FRMD3: variants seen among roughly 807,000 people sequenced by gnomAD.
The protein encoded by FRMD3 is FERM domain containing 3.
Under a neutral mutation model 70.2 loss-of-function variants are expected in FRMD3, and 33 were observed. The observed-to-expected ratio is 0.47, with a 90% CI of 0.36 to 0.63. FRMD3 has a LOEUF of 0.63. Ranked by LOEUF, FRMD3 falls within the 20% of genes least tolerant of loss-of-function variation. The pLI, the probability that FRMD3 is intolerant of heterozygous loss-of-function variation, is 0.00. For synonymous variants in FRMD3, 279 were observed against 255.9 expected (o/e 1.09, Z -0.86); for missense variants, 632 against 711.4 (o/e 0.89, Z 1.27).
intron 6 of FRMD3, among the ~76,000 whole-genome samples, chr9:83,317,425 C>CGGG (rs1564012226): frequency 2.0e-5 from 3 of 152,092 alleles, no homozygotes; most frequent in Admixed American, 6.6e-5. Flanking sequence ...CAGCTTTGCT[C>CGGG]GGGGTGATCC....
intron 1 of FRMD3, among the ~76,000 whole-genome samples, chr9:83,526,086 A>G (rs1481318802): frequency 6.6e-6 from 1 of 152,122 alleles, no homozygotes; most frequent in Non-Finnish European, 1.5e-5. Flanking sequence ...AGGCACTTCA[A>G]AATCAACGTA....
At chr9:83,309,789 T>C (rs536222412) in intron 9 of FRMD3, among the ~76,000 whole-genome samples, 165 bp from the exon 10 acceptor site, 1 of 142,534 alleles carries the variant, frequency 7.0e-6, no homozygotes, top group East Asian at 2.3e-4. Context: ...ATTAACATGG[T>C]ATTCACCCCT....
At chr9:83,533,659 A>C (rs1049857372) in intron 1 of FRMD3, among the ~76,000 whole-genome samples, 1 of 152,182 alleles carries the variant, frequency 6.6e-6, no homozygotes, top group Non-Finnish European at 1.5e-5. Context: ...ATGTGCACAT[A>C]TTATACTATA....
At chr9:83,526,189 T>A (rs1829680764) in intron 1 of FRMD3, among the ~76,000 whole-genome samples, 1 of 152,196 alleles carries the variant, frequency 6.6e-6, no homozygotes, top group Admixed American at 6.5e-5. Context: ...ACTTGCACAT[T>A]TGCTTAGGGA....
intron 13 of FRMD3, among the ~76,000 whole-genome samples, chr9:83,271,017 T>C (rs1302616333): frequency 6.6e-6 from 1 of 152,212 alleles, no homozygotes; most frequent in African/African-American, 2.4e-5. Flanking sequence ...GCCATGCCTA[T>C]TACCTTGGGA....
intron 1 of FRMD3, among the ~76,000 whole-genome samples, chr9:83,525,115 G>C (rs959072749): frequency 6.6e-6 from 1 of 152,008 alleles, no homozygotes; most frequent in African/African-American, 2.4e-5. Context: ...CTCAGTTTAC[G>C]TGTAAAGACC....
chr9:83,500,023 C>T (rs1287452199), intron 1 of FRMD3, among the ~76,000 whole-genome samples: 1 of 152,022 alleles, frequency 6.6e-6, no homozygotes, highest in African/African-American at 2.4e-5. Context: ...TTGATTCTAG[C>T]AATATATTAT....
chr9:83,304,800 G>C (rs79788257), intron 10 of FRMD3, among the ~76,000 whole-genome samples: 2,842 of 152,294 alleles, frequency 0.019, 67 homozygotes, highest in African/African-American at 0.062. Context: ...GAGCTCTGGG[G>C]TTGGCAGCAC....
intron 1 of FRMD3, among the ~76,000 whole-genome samples, chr9:83,425,922 A>AC (rs1257409507): frequency 2.0e-5 from 3 of 150,650 alleles, no homozygotes; most frequent in African/African-American, 4.9e-5. Flanking sequence ...AAAAAAAAAA[A>AC]AAAAAACAAC....
chr9:83,247,908 G>C lies in FRMD3; in HGVS notation c.*10C>G, dbSNP rs1832187670. 6.2e-7 allele frequency: 1 copy of C among 1,612,188 alleles called. No homozygotes were observed. The highest frequency in any genetic ancestry group is 8.5e-7 in the Non-Finnish European group (1 of 1,178,546). ...TTGAATATAGCCCTTAGTCACGTGA[G>C]AGATTAACTTCATGAGCAACCCAGC... On this transcript the variant is annotated 3_prime_UTR_variant, in exon 14 of 14. Coordinates refer to ENST00000304195, the MANE Select transcript of FRMD3 (RefSeq NM_174938.6).
chr9:83,282,983 T>G (rs947235695), intron 13 of FRMD3, among the ~76,000 whole-genome samples: 7 of 151,788 alleles, frequency 4.6e-5, no homozygotes, highest in African/African-American at 1.7e-4. Flanking sequence ...CCCTTTCAAG[T>G]GATAAAAACT....
chr9:83,366,173 T>C (rs1426810170), intron 3 of FRMD3, among the ~76,000 whole-genome samples: 4 of 151,940 alleles, frequency 2.6e-5, no homozygotes, highest in Non-Finnish European at 5.9e-5. Flanking sequence ...GAAAAGCTCT[T>C]CATATGGAAG....
chr9:83,428,593 T>C (rs886917491), intron 1 of FRMD3, among the ~76,000 whole-genome samples: 2 of 152,008 alleles, frequency 1.3e-5, no homozygotes, highest in African/African-American at 4.8e-5. Flanking sequence ...GTTCATTTAG[T>C]AATTATAATA....
intron 1 of FRMD3, among the ~76,000 whole-genome samples, chr9:83,430,976 G>GC (rs1248152617): frequency 6.6e-6 from 1 of 152,178 alleles, no homozygotes; most frequent in Admixed American, 6.5e-5. Flanking sequence ...TGATGCTTTG[G>GC]CCCCTCATAT....
the FRMD3 span, among the ~76,000 whole-genome samples, chr9:83,570,894 G>A: frequency 3.3e-3 from 502 of 152,258 alleles, 2 homozygotes; most frequent in African/African-American, 9.2e-3. Flanking sequence ...GACTGGGTTC[G>A]GAGTATATTT....
At chr9:83,583,568 T>C in the FRMD3 span, among the ~76,000 whole-genome samples, 2 of 152,174 alleles carry the variant, frequency 1.3e-5, no homozygotes, top group Non-Finnish European at 2.9e-5. Flanking sequence ...TTAGATATAA[T>C]CTAAATTAGA....
At position 83,313,737 on chromosome 9, in the gene FRMD3, G is replaced by A; in HGVS notation, c.607C>T (p.Pro203Ser). The A allele has an allele frequency of 1.2e-6, 2 of 1,613,884 alleles. No homozygotes were observed. The highest frequency in any genetic ancestry group is 1.7e-6 in the Non-Finnish European group (2 of 1,179,800). The change falls in exon 7 of 14, where the codon CCA becomes TCA. Residue 203 changes from proline (P) to serine (S), a missense_variant. Pro to Ser is a moderately conservative substitution (Grantham distance 74). Around this residue, in one of 3 missense-constraint regions of FRMD3, gnomAD observed 208 missense variants for 247.7 expected, o/e 0.84. Coordinates refer to ENST00000304195, the MANE Select transcript of FRMD3 (RefSeq NM_174938.6). ...IHKNELRGQS[P>S]PVAEFNLLLK... ...AGCAAGTTAAATTCAGCAACTGGTG[G>A]GCTCTGCCCCCTAAAATCACACAAG...
At chr9:83,501,288 C>G (rs1829063013) in intron 1 of FRMD3, among the ~76,000 whole-genome samples, 3 of 149,116 alleles carry the variant, frequency 2.0e-5, no homozygotes, top group Non-Finnish European at 4.4e-5. Context: ...AGCGAGACTC[C>G]ATCTCAAAAA....
intron 1 of FRMD3, among the ~76,000 whole-genome samples, chr9:83,461,037 G>A (rs993113933): frequency 3.9e-5 from 6 of 152,084 alleles, no homozygotes; most frequent in Admixed American, 3.9e-4. Flanking sequence ...CACCAATAGG[G>A]TCAGAGGAAG....
Sources: allele counts gnomAD v4.1 joint callset (sites outside exome capture counted in the v4.1 genomes callset), GRCh38; gene constraint gnomAD v4.1.1; regional missense constraint gnomAD v4.1.1; transcripts MANE v1.5; gene names NCBI Gene and HGNC (gene_info 2026-07-23, HGNC 2026-07-21).